Variants in CCSER2 observed in about 807,000 individuals in gnomAD.
CCSER2 encodes the protein serine-rich coiled-coil domain-containing protein 2.
In CCSER2, 46 loss-of-function variants were observed where a neutral mutation model predicts 92.3. The observed-to-expected ratio is 0.50, with a 90% CI of 0.39 to 0.64. The LOEUF is 0.64. CCSER2 is among the 30% of genes least tolerant of loss of function. The probability of loss-of-function intolerance (pLI) is 0.00; values close to 1 mark genes in which losing one functional copy is unlikely to be tolerated. For synonymous variants in CCSER2, 433 were observed against 431.4 expected, an observed-to-expected ratio of 1.00 and a Z score of -0.04; for missense variants, 1,244 against 1,238.9, an observed-to-expected ratio of 1.00 and a Z score of -0.06.
intron 9 of CCSER2, chr10:84,500,109 C>CTT: frequency 1.0e-6 from 1 of 991,644 alleles, no homozygotes; most frequent in Non-Finnish European, 1.5e-6. Context: ...GGTCTCCTCT[C>CTT]TTAACACTTC....
intron 1 of CCSER2, among the ~76,000 whole-genome samples, chr10:84,338,921 G>T (rs191109610): frequency 1.1e-3 from 161 of 152,214 alleles, no homozygotes; most frequent in African/African-American, 3.4e-3. Flanking sequence ...AATATTTAGT[G>T]TTGGAGCATC....
chr10:84,488,276 C>T (rs1847929227), intron 9 of CCSER2, among the ~76,000 whole-genome samples: 1 of 152,124 alleles, frequency 6.6e-6, no homozygotes, highest in African/African-American at 2.4e-5. Context: ...GGGAGGGTTC[C>T]CTCTTTTTCT....
intron 1 of CCSER2, among the ~76,000 whole-genome samples, chr10:84,354,287 A>G (rs907806158): frequency 6.6e-6 from 1 of 150,488 alleles, no homozygotes; most frequent in South Asian, 2.1e-4. Context: ...TTGAAAGAAT[A>G]GAGTATGTTT....
At chr10:84,488,981 T>A (rs1245669105) in intron 9 of CCSER2, among the ~76,000 whole-genome samples, 1 of 152,346 alleles carries the variant, frequency 6.6e-6, no homozygotes, top group African/African-American at 2.4e-5. Flanking sequence ...TATTTCTGCC[T>A]TCATTTCGTT....
chr10:84,359,358 G>A (rs936443081), intron 1 of CCSER2, among the ~76,000 whole-genome samples: 1 of 152,060 alleles, frequency 6.6e-6, no homozygotes, highest in African/African-American at 2.4e-5. Context: ...GTGAGGGTCA[G>A]GTCAAGAACA....
At chr10:84,390,634 A>G (rs915650985) in intron 3 of CCSER2, among the ~76,000 whole-genome samples, 2 of 152,188 alleles carry the variant, frequency 1.3e-5, no homozygotes, top group African/African-American at 2.4e-5. Context: ...CCAGTTTTAT[A>G]TGCAGTCAGT....
chr10:84,377,785 T>A lies in CCSER2; in HGVS notation c.1614+3970T>A, dbSNP rs922749049. 2.0e-5 allele frequency among the ~76,000 whole-genome samples: 3 copies of A among 152,214 alleles called. No homozygotes were observed. The East Asian group carries it at 5.8e-4, about 29-fold the overall frequency. ...TAATTTCAGACTTTAGAAATACTTC[T>A]TGCTAATGTTTTGTACTTTTCTATA... On this transcript the variant is annotated intron_variant, in intron 3 of 9. Transcript: ENST00000372088.
chr10:84,354,792 A>T (rs2133086243), intron 1 of CCSER2, among the ~76,000 whole-genome samples: 1 of 151,734 alleles, frequency 6.6e-6, no homozygotes, highest in South Asian at 2.1e-4. Context: ...CCTCAAAGTT[A>T]GCTTGATGTG....
chr10:84,492,307 G>A (rs2063725603), intron 9 of CCSER2, among the ~76,000 whole-genome samples: 1 of 151,462 alleles, frequency 6.6e-6, no homozygotes, highest in South Asian at 2.1e-4. Flanking sequence ...AAATAAAATT[G>A]ATTTCTGTAT....
Position 84,371,359 on chromosome 10 carries a change from G to C in CCSER2, c.307G>C (p.Gly103Arg), listed in dbSNP as rs1323433584. 1 of 1,613,624 alleles carries C rather than the reference G, an allele frequency of 6.2e-7. No homozygotes were observed. Residue 103 changes from glycine to arginine, a missense_variant, in exon 2 of 10, where the codon GGA becomes CGA. Transcript: ENST00000372088. The stretch of plus-strand genomic sequence containing the variant: ...TCCTGAAAAACGTGTTCCTACTCAA[G>C]GAATGTTTGATAAAAATGGGATAAA... ...IDPEKRVPTQ[G>R]MFDKNGIKGG...
chr10:84,473,342 A>G (rs1846931807), intron 8 of CCSER2, among the ~76,000 whole-genome samples: 2 of 152,184 alleles, frequency 1.3e-5, no homozygotes, highest in African/African-American at 2.4e-5. Flanking sequence ...CAAATTGCAG[A>G]GGAGCTGTGG....
At chr10:84,358,498 C>T (rs1249059699) in intron 1 of CCSER2, among the ~76,000 whole-genome samples, 5 of 151,766 alleles carry the variant, frequency 3.3e-5, no homozygotes, top group African/African-American at 1.2e-4. Flanking sequence ...TTTACTTTGT[C>T]TAAATTCAAA....
At chr10:84,423,407 G>A (rs2133420370) in intron 4 of CCSER2, among the ~76,000 whole-genome samples, 1 of 152,264 alleles carries the variant, frequency 6.6e-6, no homozygotes, top group African/African-American at 2.4e-5. Context: ...CCATGTTTGA[G>A]TTCAAGTTTC....
At chr10:84,457,274 ATATATTATATAT>A (rs1338163532) in intron 6 of CCSER2, among the ~76,000 whole-genome samples, 31 of 2,084 alleles carry the variant, frequency 0.015, no homozygotes, top group South Asian at 0.031. Flanking sequence ...ATTATATATA[ATATATTATATAT>A]TATATATTAT....
chr10:84,444,168 A>G (rs2133548603), intron 6 of CCSER2, among the ~76,000 whole-genome samples: 1 of 152,298 alleles, frequency 6.6e-6, no homozygotes, highest in Middle Eastern at 3.4e-3. Context: ...GTAGGATGCT[A>G]GAGAAGAGGC....
At chr10:84,421,092 A>G (rs554487971) in intron 4 of CCSER2, among the ~76,000 whole-genome samples, 15 of 152,254 alleles carry the variant, frequency 9.9e-5, no homozygotes, top group African/African-American at 2.2e-4. Context: ...ATGAATGACA[A>G]TTGTCAGATT....
At chr10:84,487,480 C>A (rs1043415065) in intron 9 of CCSER2, among the ~76,000 whole-genome samples, 5 of 152,070 alleles carry the variant, frequency 3.3e-5, no homozygotes, top group Admixed American at 3.3e-4. Context: ...AGTTGGATTC[C>A]TATGTATTTT....
intron 8 of CCSER2, among the ~76,000 whole-genome samples, chr10:84,475,846 T>C (rs1051460462): frequency 7.2e-5 from 11 of 152,288 alleles, no homozygotes; most frequent in African/African-American, 2.6e-4. Context: ...TGGGGGGTTA[T>C]TTTGGAGTTA....
intron 1 of CCSER2, among the ~76,000 whole-genome samples, chr10:84,354,102 G>A (rs898568959): frequency 2.2e-4 from 34 of 152,166 alleles, no homozygotes; most frequent in Admixed American, 1.5e-3. Flanking sequence ...GGGAGGCTGA[G>A]GCGGGAGGGT....
Sources: allele counts gnomAD v4.1 joint callset (sites outside exome capture counted in the v4.1 genomes callset), GRCh38; gene constraint gnomAD v4.1.1; transcripts MANE v1.5; gene names NCBI Gene and HGNC (gene_info 2026-07-23, HGNC 2026-07-21).